The following LARP1B variants were observed in gnomAD, a reference collection of about 807,000 sequenced individuals.
The protein encoded by LARP1B is la-related protein 1B.
Under a neutral mutation model 114.2 loss-of-function variants are expected in LARP1B, and 76 were observed. The ratio of observed to expected loss-of-function variants is 0.67; its 90% CI spans 0.55 to 0.81. LARP1B has a LOEUF of 0.81. Among genes scored for constraint, LARP1B ranks in the 30% least tolerant of loss-of-function variants. The pLI, the probability that LARP1B is intolerant of heterozygous loss-of-function variation, is 0.00. For missense variants in LARP1B, 1,014 were observed against 1,075.8 expected, an observed-to-expected ratio of 0.94 and a Z score of 0.80; for synonymous variants, 345 against 348.0, an observed-to-expected ratio of 0.99 and a Z score of 0.10.
chr4:128,064,559 TTTTTC>T (rs1427930108), intron 1 of LARP1B, among the ~76,000 whole-genome samples: 2 of 152,184 alleles, frequency 1.3e-5, no homozygotes, highest in Non-Finnish European at 2.9e-5. Flanking sequence ...CCTCATAAAG[TTTTTC>T]TTTTTTTTCT....
chr4:128,161,291 C>T (rs1472915798), intron 11 of LARP1B, among the ~76,000 whole-genome samples: 1 of 152,134 alleles, frequency 6.6e-6, no homozygotes, highest in African/African-American at 2.4e-5. Flanking sequence ...ATGACCTCTA[C>T]CCTCTGTAAT....
intron 11 of LARP1B, among the ~76,000 whole-genome samples, chr4:128,132,232 T>G (rs1038077042): frequency 4.6e-5 from 7 of 152,114 alleles, no homozygotes; most frequent in African/African-American, 1.7e-4. Context: ...AATGAAGTAC[T>G]ATTTGTTTTT....
chr4:128,142,445 A>T (rs984276902), intron 11 of LARP1B, among the ~76,000 whole-genome samples: 17 of 152,062 alleles, frequency 1.1e-4, no homozygotes, highest in African/African-American at 4.1e-4. Flanking sequence ...ATCAAAGTAC[A>T]GTCTGTGGAG....
At chr4:128,188,482 TG>T (rs1389915164) in intron 15 of LARP1B, among the ~76,000 whole-genome samples, 5 of 152,352 alleles carry the variant, frequency 3.3e-5, no homozygotes, top group African/African-American at 1.2e-4. Context: ...ATTGATTTTT[TG>T]TACTTGTTTT....
At chr4:128,150,083 G>A (rs747329744) in intron 11 of LARP1B, among the ~76,000 whole-genome samples, 11 of 152,140 alleles carry the variant, frequency 7.2e-5, no homozygotes, top group Admixed American at 3.3e-4. Flanking sequence ...CCCGGGAGGC[G>A]GAGGTTGCAG....
At chr4:128,117,089 T>C (rs1786137300) in intron 10 of LARP1B, among the ~76,000 whole-genome samples, 1 of 152,100 alleles carries the variant, frequency 6.6e-6, no homozygotes, top group Admixed American at 6.6e-5. Flanking sequence ...TTTTTTGTAT[T>C]TTTAATGGAG....
intron 11 of LARP1B, among the ~76,000 whole-genome samples, chr4:128,127,759 G>T (rs528530317): frequency 6.6e-6 from 1 of 152,170 alleles, no homozygotes. Flanking sequence ...CTTGAACCCC[G>T]GGAGGTGGAG....
chr4:128,168,063 A>G (rs750450082), intron 12 of LARP1B, among the ~76,000 whole-genome samples: 14 of 152,096 alleles, frequency 9.2e-5, no homozygotes, highest in Non-Finnish European at 1.6e-4. Flanking sequence ...GGTGATTATG[A>G]ATAAAGCTGC....
chr4:128,134,637 ACAGT>A (rs1792676704), intron 11 of LARP1B, among the ~76,000 whole-genome samples: 3 of 152,210 alleles, frequency 2.0e-5, no homozygotes, highest in Admixed American at 6.5e-5. Flanking sequence ...ATGAAAGGAC[ACAGT>A]TAACAGTAGG....
At chr4:128,098,767 A>ATATATATATATATATATATT (rs1328165907) in intron 8 of LARP1B, among the ~76,000 whole-genome samples, 1 of 35,034 alleles carries the variant, frequency 2.9e-5, no homozygotes, top group African/African-American at 1.3e-4. Flanking sequence ...ATATATATAT[A>ATATATATATATATATATATT]TTTTTTTTTT....
intron 11 of LARP1B, chr4:128,155,752 T>C: frequency 6.2e-7 from 1 of 1,607,480 alleles, no homozygotes; most frequent in Non-Finnish European, 8.5e-7. Flanking sequence ...TGCGGCCAAG[T>C]GTAGGAACTG....
intron 7 of LARP1B, among the ~76,000 whole-genome samples, chr4:128,094,855 G>T (rs565186086): frequency 2.6e-4 from 39 of 151,772 alleles, no homozygotes; most frequent in African/African-American, 8.9e-4. Flanking sequence ...GAGTCCAAGC[G>T]ATTCTCCTGC....
At position 128,062,592 on chromosome 4, in the gene LARP1B, C is replaced by CTTTTTTTTTTT. The variant is rs10659836; in HGVS notation, c.-78+1199_-78+1209dup. 7.0e-5 allele frequency among the ~76,000 whole-genome samples: 9 copies of CTTTTTTTTTTT among 128,254 alleles called. 1 individual carries two copies. The East Asian group carries it at 1.3e-3, about 18-fold the overall frequency. The allele number at this position is 128,254 out of a possible 152,430, so 84.1% of individuals were successfully genotyped here. The stretch of plus-strand genomic sequence containing the variant: ...CTTCGTATGGGAAAGTTTTGGTAGA[C>CTTTTTTTTTTT]TTTTTTTTTTTTTTTTTTACATAAA... On this transcript the variant is annotated intron_variant, in intron 1 of 19. Transcript: ENST00000326639.
Position 128,200,511 on chromosome 4 carries a change from CT to C in LARP1B, c.2165-4del. 2.1e-6 allele frequency: 3 copies of C among 1,405,748 alleles called. No individual in the cohort carries two copies. Among genetic ancestry groups the C allele is most frequent in the Non-Finnish European group, 1.9e-6 (2 of 1,069,316 alleles). The allele number at this position is 1,405,748 out of a possible 1,614,324, so 87.1% of individuals were successfully genotyped here. On this transcript the variant is annotated splice_polypyrimidine_tract_variant and intron_variant, in intron 16 of 19. Coordinates refer to ENST00000326639, the MANE Select transcript of LARP1B (RefSeq NM_018078.4). ...TTTAATAAAATAATATTTTATTTAA[CT>C]TTTTTCAGAGAGAAAACGCTTGGGA...
At chr4:128,095,490 A>C (rs1213387084) in intron 7 of LARP1B, among the ~76,000 whole-genome samples, 1 of 458 alleles carries the variant, frequency 2.2e-3, no homozygotes, top group Non-Finnish European at 0.015. Flanking sequence ...ACTCCATCTC[A>C]AAAAAAAAAA....
chr4:128,192,200 C>G (rs555636065), intron 15 of LARP1B, among the ~76,000 whole-genome samples: 1 of 152,210 alleles, frequency 6.6e-6, no homozygotes, highest in Admixed American at 6.5e-5. Context: ...CTATTGCACA[C>G]TTGGTAGAGT....
chr4:128,084,452 G>A (rs891980300), intron 5 of LARP1B, among the ~76,000 whole-genome samples: 10 of 152,200 alleles, frequency 6.6e-5, no homozygotes, highest in Admixed American at 1.3e-4. Flanking sequence ...GCGAAACCCC[G>A]TCTCCACCAA....
intron 11 of LARP1B, among the ~76,000 whole-genome samples, chr4:128,145,113 A>G (rs143418873): frequency 5.8e-4 from 89 of 152,286 alleles, no homozygotes; most frequent in Admixed American, 1.2e-3. Flanking sequence ...GTTGTAGGCT[A>G]CACTTGGAAT....
intron 15 of LARP1B, among the ~76,000 whole-genome samples, chr4:128,182,590 TG>T (rs976364740): frequency 1.3e-5 from 2 of 152,188 alleles, no homozygotes; most frequent in African/African-American, 4.8e-5. Flanking sequence ...TGGGCATCCC[TG>T]TACCCTGAGA....
Sources: gnomAD v4.1 joint callset for allele counts (sites outside exome capture counted in the v4.1 genomes callset) on GRCh38, gnomAD v4.1.1 for gene constraint, MANE v1.5 for transcripts, NCBI Gene and HGNC (gene_info 2026-07-23, HGNC 2026-07-21) for gene names.